The following KCTD1 variants were observed in gnomAD, a reference collection of about 807,000 sequenced individuals.
KCTD1 encodes the protein potassium channel tetramerization domain containing 1.
Under a neutral mutation model 66.0 loss-of-function variants are expected in KCTD1, and 24 were observed. That is an observed-to-expected ratio of 0.36 (90% confidence interval 0.26 to 0.51). KCTD1 has a LOEUF of 0.51. Ranked by LOEUF, KCTD1 falls within the 20% of genes least tolerant of loss-of-function variation. KCTD1 has a pLI of 0.95. For synonymous variants in KCTD1, 511 were observed against 517.2 expected, an observed-to-expected ratio of 0.99 and a Z score of 0.16; for missense variants, 943 against 1,205.2, an observed-to-expected ratio of 0.78 and a Z score of 3.22.
chr18:26,501,294 T>A, intron 1 of KCTD1, 44 bp from the exon 2 acceptor site: 1 of 1,518,508 alleles, frequency 6.6e-7, no homozygotes, highest in Non-Finnish European at 9.0e-7. Flanking sequence ...CTCTTTACAG[T>A]AGAAAGATAG....
intron 1 of KCTD1, among the ~76,000 whole-genome samples, chr18:26,580,288 G>C (rs1274231235): frequency 6.6e-6 from 1 of 152,036 alleles, no homozygotes; most frequent in Non-Finnish European, 1.5e-5. Context: ...AAGGACAGTA[G>C]GGTCAGGGGA....
chr18:26,589,595 T>C (rs1986550254), intron 1 of KCTD1, among the ~76,000 whole-genome samples: 1 of 152,210 alleles, frequency 6.6e-6, no homozygotes, highest in Non-Finnish European at 1.5e-5. Context: ...GTATCTTGGC[T>C]ACTGTGGTAG....
At chr18:26,528,930 T>C (rs899717021) in intron 1 of KCTD1, among the ~76,000 whole-genome samples, 3 of 152,204 alleles carry the variant, frequency 2.0e-5, no homozygotes, top group African/African-American at 7.2e-5. Context: ...CACTGTAATT[T>C]CTTTCTAAGC....
chr18:26,629,926 CAGGATGGTTCT>C (rs1987582107), upstream of KCTD1, among the ~76,000 whole-genome samples: 1 of 152,100 alleles, frequency 6.6e-6, no homozygotes, highest in Admixed American at 6.5e-5. Flanking sequence ...CCATGTTGAC[CAGGATGGTTCT>C]AACTCCTGGA....
intron 1 of KCTD1, among the ~76,000 whole-genome samples, chr18:26,638,441 A>G (rs9967018): frequency 0.11 from 16,562 of 152,314 alleles, 1,300 homozygotes; most frequent in East Asian, 0.3. Context: ...AGGCCAAGAG[A>G]TCTGCTGGCT....
rs1351282672 is a variant in KCTD1 at position 26,599,959 on chromosome 18, G to T, written c.-16+29188C>A. The T allele has an allele frequency of 9.3e-6, 15 of 1,604,946 alleles. No homozygotes were observed. The Admixed American group carries it at 2.5e-4, about 27-fold the overall frequency. ...CATCACCAAGAAGTCTTCTCCTTCA[G>T]TGAAGCCTGCAGTGGACCCTGCTGC... is the stretch of plus-strand genomic sequence containing the variant. On this transcript the variant is annotated intron_variant, in intron 1 of 4. Transcript: ENST00000317932.
In KCTD1 at chr18:26,500,663, T is replaced by C. The variant is rs551047580; in HGVS notation, c.1988+409A>G. ...AATGCCTCACTGCTGAGAATCTCTT[T>C]TTTTTCTAGTTCACAAGTTGATGAA... On this transcript the variant is annotated intron_variant, in intron 2 of 4. Coordinates refer to ENST00000580059, the MANE Select transcript of KCTD1 (RefSeq NM_001142730.3). Among the ~76,000 whole-genome samples, 6 of 152,346 alleles carry C rather than the reference T, an allele frequency of 3.9e-5. No individual in the cohort carries two copies. The East Asian group carries it at 1.2e-3, about 29-fold the overall frequency.
chr18:26,650,300 C>T (rs566660898), intron 1 of KCTD1, among the ~76,000 whole-genome samples: 1 of 152,258 alleles, frequency 6.6e-6, no homozygotes, highest in East Asian at 1.9e-4. Flanking sequence ...TTTATTCTTG[C>T]GTCCCCTGAA....
At chr18:26,536,768 A>T (rs1984728555) in intron 1 of KCTD1, among the ~76,000 whole-genome samples, 1 of 152,214 alleles carries the variant, frequency 6.6e-6, no homozygotes, top group African/African-American at 2.4e-5. Context: ...TTCAGAAATG[A>T]ATCTGCTTTT....
At chr18:26,615,157 G>A (rs1340021964) in intron 1 of KCTD1, among the ~76,000 whole-genome samples, 1 of 152,148 alleles carries the variant, frequency 6.6e-6, no homozygotes, top group Non-Finnish European at 1.5e-5. Context: ...AGACTACAAA[G>A]CTTTGTAAAT....
In KCTD1 at chr18:26,509,213, T is replaced by A. The variant is rs115944078; in HGVS notation, c.1810-7963A>T. Among the ~76,000 whole-genome samples the A allele has an allele frequency of 8.2e-3, 1,238 of 151,282 alleles. 12 individuals carry two copies. Among genetic ancestry groups the A allele is most frequent in the African/African-American group, 0.028 (1,152 of 41,276 alleles). On this transcript the variant is annotated intron_variant, in intron 1 of 4. Transcript: ENST00000580059. Reference sequence around the variant, plus strand: ...TCAAAATTGATGAGTACTGTATGCATAATTTATTTAGAGAACAGTTTCTGT... The same window carrying A: ...TCAAAATTGATGAGTACTGTATGCAAAATTTATTTAGAGAACAGTTTCTGT...
At chr18:26,591,725 C>A (rs916845091) in intron 1 of KCTD1, among the ~76,000 whole-genome samples, 4 of 152,162 alleles carry the variant, frequency 2.6e-5, no homozygotes, top group Non-Finnish European at 5.9e-5. Context: ...CTAAGGCAAT[C>A]AAATAAACAA....
intron 1 of KCTD1, among the ~76,000 whole-genome samples, chr18:26,614,724 C>A (rs1305721684): frequency 6.6e-6 from 1 of 152,214 alleles, no homozygotes; most frequent in Non-Finnish European, 1.5e-5. Flanking sequence ...TTTAAACCAC[C>A]TCTAGCGAAT....
chr18:26,627,262 TTGTGTGTGTGTGTGTGTGTGTG>T (rs59902249), intron 1 of KCTD1, among the ~76,000 whole-genome samples: 33 of 145,936 alleles, frequency 2.3e-4, no homozygotes, highest in African/African-American at 6.9e-4. Flanking sequence ...CTTCTGGGTT[TTGTGTGTGTGTGTGTGTGTGTG>T]TGTGTGTGTG....
At position 26,548,509 on chromosome 18, in the gene KCTD1, A is replaced by T; in HGVS notation, c.28T>A (p.Cys10Ser). 8.1e-7 allele frequency: 1 copy of T among 1,239,760 alleles called. No individual in the cohort carries two copies. Among genetic ancestry groups the T allele is most frequent in the Non-Finnish European group, 1.0e-6 (1 of 997,408 alleles). The allele number at this position is 1,239,760 out of a possible 1,614,324, so 76.8% of individuals were successfully genotyped here. A position where few individuals can be genotyped will look rare whatever the true frequency, so the allele number is the denominator to read the frequency against. ...GCGCTGCCGCCCGCGCTGGTGTTAC[A>T]GTCCCCGCTGCCAGGCATTCTCGCC... Reference protein sequence around the residue: MARMPGSGDCNTSAGGSASA... With the variant: MARMPGSGDSNTSAGGSASA... The change falls in exon 1 of 5, where the codon TGT (cysteine) becomes AGT (serine). Residue 10 changes from cysteine to serine, a missense_variant. By Grantham distance (112) the Cys-to-Ser change is moderately radical (BLOSUM62 -1). This residue lies in a region of KCTD1 where 236 missense variants were observed against 206.6 expected (regional missense o/e 1.14). Transcript: ENST00000580059.
At chr18:26,567,179 T>C (rs903544528) in intron 1 of KCTD1, 7 of 152,216 alleles carry the variant, frequency 4.6e-5, no homozygotes, top group Non-Finnish European at 8.8e-5. Context: ...TAAAGAGCTA[T>C]AGCCAAACAC....
chr18:26,501,600 C>A (rs1356165370), intron 1 of KCTD1, among the ~76,000 whole-genome samples: 1 of 152,190 alleles, frequency 6.6e-6, no homozygotes, highest in Non-Finnish European at 1.5e-5. Context: ...AAATGACAAT[C>A]AAACACTTCA....
At chr18:26,543,621 A>C (rs1049501340) in intron 1 of KCTD1, 1 of 152,262 alleles carries the variant, frequency 6.6e-6, no homozygotes, top group South Asian at 2.1e-4. Context: ...TCTGCTAACT[A>C]TAAGGACCAA....
intron 2 of KCTD1, among the ~76,000 whole-genome samples, chr18:26,492,574 G>A (rs985330105): frequency 2.0e-5 from 3 of 151,686 alleles, no homozygotes; most frequent in Admixed American, 6.6e-5. Context: ...CCACTGCACC[G>A]CAGGCTGAGT....
Sources: allele counts gnomAD v4.1 joint callset (sites outside exome capture counted in the v4.1 genomes callset), GRCh38; gene constraint gnomAD v4.1.1; regional missense constraint gnomAD v4.1.1; transcripts MANE v1.5; gene names NCBI Gene and HGNC (gene_info 2026-07-23, HGNC 2026-07-21).